The following FHOD3 variants were observed in gnomAD, a reference collection of about 807,000 sequenced individuals.
FHOD3 encodes the protein FH1/FH2 domain-containing protein 3.
In FHOD3, 90 loss-of-function variants were observed where a neutral mutation model predicts 173.0. That is an observed-to-expected ratio of 0.52 (90% CI 0.44 to 0.62). FHOD3 has a LOEUF of 0.62. Among genes scored for constraint, FHOD3 ranks in the 20% least tolerant of loss-of-function variants. FHOD3 has a pLI of 0.00. For missense variants in FHOD3, 1,945 were observed against 2,034.7 expected, an observed-to-expected ratio of 0.96 and a Z score of 0.85; for synonymous variants, 828 against 823.0, an observed-to-expected ratio of 1.01 and a Z score of -0.10.
intron 5 of FHOD3, among the ~76,000 whole-genome samples, chr18:36,533,279 C>T (rs12458276): frequency 0.066 from 10,124 of 152,284 alleles, 548 homozygotes; most frequent in South Asian, 0.21. Context: ...TGAGCATGTG[C>T]GACGCATTTG....
chr18:36,773,462 A>T (rs570669475), intron 28 of FHOD3, among the ~76,000 whole-genome samples: 23 of 152,276 alleles, frequency 1.5e-4, no homozygotes, highest in Non-Finnish European at 2.4e-4. Context: ...GTTCAAATGG[A>T]ATCCATTTCC....
intron 18 of FHOD3, among the ~76,000 whole-genome samples, chr18:36,715,308 G>A (rs1332036579): frequency 1.3e-5 from 2 of 152,156 alleles, no homozygotes; most frequent in Non-Finnish European, 2.9e-5. Context: ...TTCCCTCTTT[G>A]CTGGGCACTC....
chr18:36,437,665 C>CTTTTTTTTTTTTTTTTTT (rs1555704498), intron 3 of FHOD3, among the ~76,000 whole-genome samples: 1 of 69,442 alleles, frequency 1.4e-5, no homozygotes, highest in African/African-American at 4.5e-5. Context: ...TTCTTTCTTT[C>CTTTTTTTTTTTTTTTTTT]TTTTTTTTTT....
At position 36,348,568 on chromosome 18, in the gene FHOD3, G is replaced by A. The variant is rs533398005; in HGVS notation, c.166-6971G>A. Among the ~76,000 whole-genome samples, 44 of 152,236 alleles carry A rather than the reference G, an allele frequency of 2.9e-4. 1 individual carries two copies. Among genetic ancestry groups the A allele is most frequent in the African/African-American group, 1.0e-3 (43 of 41,530 alleles). On this transcript the variant is annotated intron_variant, in intron 1 of 28. Transcript: ENST00000590592. ...GAAAGTGAATTTCCATGGATCCATGGAGCACACTCTGGGGGTTTGGGACTT... is the reference window on the plus strand; with the variant it reads ...GAAAGTGAATTTCCATGGATCCATGAAGCACACTCTGGGGGTTTGGGACTT...
chr18:36,422,328 A>G lies in FHOD3; in HGVS notation c.337+49584A>G, dbSNP rs1243965772. On this transcript the variant is annotated intron_variant, in intron 3 of 28. Coordinates refer to ENST00000590592, the MANE Select transcript of FHOD3 (RefSeq NM_001281740.3). ...TAAATAAAGAGCTTCCTATTTCTTAACAGCTGAATAATATTCAGTTCCATG... is the reference window on the plus strand; with the variant it reads ...TAAATAAAGAGCTTCCTATTTCTTAGCAGCTGAATAATATTCAGTTCCATG... Among the ~76,000 whole-genome samples the G allele has an allele frequency of 2.0e-5, 3 of 152,242 alleles. No homozygotes were observed. In the East Asian group the frequency reaches 5.8e-4, roughly 29 times the overall value.
At chr18:36,364,902 G>A (rs1405805390) in intron 2 of FHOD3, among the ~76,000 whole-genome samples, 1 of 152,144 alleles carries the variant, frequency 6.6e-6, no homozygotes. Context: ...GGGGGAGAAA[G>A]CAGAAGGGTG....
chr18:36,446,157 G>A (rs75200224), intron 3 of FHOD3, among the ~76,000 whole-genome samples: 1,539 of 152,270 alleles, frequency 0.01, 27 homozygotes, highest in African/African-American at 0.035. Context: ...CCCAAGGAGC[G>A]AGCAAGTGTT....
chr18:36,592,824 A>G (rs1252829564), intron 6 of FHOD3, among the ~76,000 whole-genome samples: 1 of 152,042 alleles, frequency 6.6e-6, no homozygotes, highest in Non-Finnish European at 1.5e-5. Flanking sequence ...GAAAATTGAG[A>G]GTTCTGTTTT....
chr18:36,763,439 TTATA>T (rs1200995701), intron 27 of FHOD3, among the ~76,000 whole-genome samples: 3 of 148,028 alleles, frequency 2.0e-5, no homozygotes, highest in African/African-American at 2.5e-5. Flanking sequence ...ATTATACACG[TTATA>T]TATAATATGC....
chr18:36,514,081 T>C (rs1288803707), intron 5 of FHOD3, among the ~76,000 whole-genome samples: 1 of 146,762 alleles, frequency 6.8e-6, no homozygotes, highest in Non-Finnish European at 1.5e-5. Context: ...CGATCTCGGC[T>C]CACTGCAAGC....
chr18:36,596,190 C>T (rs189000965), intron 7 of FHOD3, among the ~76,000 whole-genome samples: 1,534 of 151,806 alleles, frequency 0.01, 11 homozygotes, highest in South Asian at 0.021. Context: ...AGTCTTGCTC[C>T]GTCGCCCAGG....
At chr18:36,528,145 T>G (rs1163272024) in intron 5 of FHOD3, among the ~76,000 whole-genome samples, 1 of 152,102 alleles carries the variant, frequency 6.6e-6, no homozygotes, top group Non-Finnish European at 1.5e-5. Context: ...AGGAATCAGC[T>G]GGGGATGGTT....
intron 3 of FHOD3, among the ~76,000 whole-genome samples, chr18:36,440,838 A>T (rs2051102471): frequency 6.6e-6 from 1 of 152,090 alleles, no homozygotes; most frequent in Admixed American, 6.5e-5. Flanking sequence ...CATTCCTCTG[A>T]GGCTGGGCAC....
At chr18:36,633,719 A>G (rs2148889603) in intron 10 of FHOD3, among the ~76,000 whole-genome samples, 1 of 152,314 alleles carries the variant, frequency 6.6e-6, no homozygotes, top group East Asian at 1.9e-4. Flanking sequence ...CAGTAATGAG[A>G]ATGTTATATC....
At chr18:36,516,928 C>G (rs991462135) in intron 5 of FHOD3, among the ~76,000 whole-genome samples, 2 of 152,086 alleles carry the variant, frequency 1.3e-5, no homozygotes, top group African/African-American at 4.8e-5. Flanking sequence ...CCAGGACTTT[C>G]CCAGATCTGC....
intron 14 of FHOD3, among the ~76,000 whole-genome samples, chr18:36,678,545 AAAAGAAG>A (rs1474344657): frequency 2.4e-4 from 35 of 147,216 alleles, no homozygotes; most frequent in African/African-American, 7.9e-4. Context: ...AAAAAAAAAA[AAAAGAAG>A]AAAGAAAGAA....
chr18:36,370,836 G>C (rs1301264981), intron 2 of FHOD3, among the ~76,000 whole-genome samples: 1 of 152,184 alleles, frequency 6.6e-6, no homozygotes, highest in Non-Finnish European at 1.5e-5. Context: ...CTGATTTTCT[G>C]CTCCTAGCTG....
intron 5 of FHOD3, among the ~76,000 whole-genome samples, chr18:36,554,664 A>G (rs1263899655): frequency 6.6e-6 from 1 of 152,224 alleles, no homozygotes; most frequent in Non-Finnish European, 1.5e-5. Context: ...GTATTATTTC[A>G]TCTTTAAACA....
chr18:36,611,902 CA>C (rs1318700256), intron 8 of FHOD3, 49 bp from the exon 9 acceptor site: 2 of 1,565,630 alleles, frequency 1.3e-6, no homozygotes, highest in Middle Eastern at 1.9e-4. Flanking sequence ...CTGAGAGCCT[CA>C]AGGCAGTCTT....
Sources: allele counts gnomAD v4.1 joint callset (sites outside exome capture counted in the v4.1 genomes callset), GRCh38; gene constraint gnomAD v4.1.1; transcripts MANE v1.5; gene names NCBI Gene and HGNC (gene_info 2026-07-23, HGNC 2026-07-21).